Variants in CELF2 observed in about 807,000 individuals in gnomAD.
The protein encoded by CELF2 is CUG triplet repeat RNA-binding protein 2.
In CELF2, 8 loss-of-function variants were observed where a neutral mutation model predicts 62.6. The ratio of observed to expected loss-of-function variants is 0.13; its 90% CI spans 0.07 to 0.23. The LOEUF is 0.23. Ranked by LOEUF, CELF2 falls within the 10% of genes least tolerant of loss-of-function variation. The probability of loss-of-function intolerance (pLI) is 1.00; values close to 1 mark genes in which losing one functional copy is unlikely to be tolerated. For synonymous variants in CELF2, 258 were observed against 250.0 expected, an observed-to-expected ratio of 1.03 and a Z score of -0.30; for missense variants, 333 against 671.0, an observed-to-expected ratio of 0.50 and a Z score of 5.56.
At chr10:10,588,016 A>AG in the CELF2 span, among the ~76,000 whole-genome samples, 1 of 116,146 alleles carries the variant, frequency 8.6e-6, no homozygotes, top group African/African-American at 3.9e-5. Flanking sequence ...GTAAAGATGT[A>AG]ATTTTTTTTT....
chr10:11,283,263 A>T (rs576556717), intron 8 of CELF2, among the ~76,000 whole-genome samples: 1 of 152,310 alleles, frequency 6.6e-6, no homozygotes, highest in African/African-American at 2.4e-5. Context: ...TTCATTCTGA[A>T]TCTGGGCCTA....
At chr10:11,109,685 A>G (rs1595466735) in intron 1 of CELF2, among the ~76,000 whole-genome samples, 1 of 152,002 alleles carries the variant, frequency 6.6e-6, no homozygotes, top group Non-Finnish European at 1.5e-5. Context: ...CAGTCTCTCT[A>G]CCCCTCACAA....
At chr10:10,613,970 T>C in the CELF2 span, among the ~76,000 whole-genome samples, 1 of 152,156 alleles carries the variant, frequency 6.6e-6, no homozygotes, top group Admixed American at 6.5e-5. Context: ...GCCCTCAATG[T>C]CTATAATTTT....
At chr10:10,873,055 C>T (rs1004729941) in intron 1 of CELF2, among the ~76,000 whole-genome samples, 2 of 152,130 alleles carry the variant, frequency 1.3e-5, no homozygotes, top group African/African-American at 4.8e-5. Context: ...TAAATGTACA[C>T]ACATCCTTTT....
At chr10:11,298,535 G>A (rs1456932707) in intron 9 of CELF2, among the ~76,000 whole-genome samples, 1 of 152,190 alleles carries the variant, frequency 6.6e-6, no homozygotes, top group Non-Finnish European at 1.5e-5. Flanking sequence ...CCTACAGAAT[G>A]TAACAGAGGA....
At chr10:10,500,492 TGGTTTTATAAA>T in the CELF2 span, among the ~76,000 whole-genome samples, 1 of 152,190 alleles carries the variant, frequency 6.6e-6, no homozygotes, top group Non-Finnish European at 1.5e-5. Context: ...CAAGATCTGA[TGGTTTTATAAA>T]GGTTTTATAA....
intron 1 of CELF2, among the ~76,000 whole-genome samples, chr10:11,104,313 C>CA (rs2052733172): frequency 6.6e-6 from 1 of 152,172 alleles, no homozygotes; most frequent in South Asian, 2.1e-4. Context: ...ATAATAGTTT[C>CA]GACTTCCAGC....
At chr10:10,811,743 C>T (rs371325926) in intron 1 of CELF2, among the ~76,000 whole-genome samples, 3 of 152,146 alleles carry the variant, frequency 2.0e-5, no homozygotes, top group South Asian at 4.1e-4. Context: ...GGAATGGAAT[C>T]ACCCTGGGGA....
At chr10:11,096,764 T>C (rs957767777) in intron 1 of CELF2, among the ~76,000 whole-genome samples, 3 of 152,216 alleles carry the variant, frequency 2.0e-5, no homozygotes, top group Non-Finnish European at 4.4e-5. Context: ...AGTCACTCTC[T>C]CTGTGTAGCC....
intron 2 of CELF2, chr10:11,169,216 A>T (rs563164705): frequency 9.2e-5 from 14 of 152,304 alleles, no homozygotes; most frequent in African/African-American, 3.1e-4. Flanking sequence ...ATCTCCATCA[A>T]TGTCTCCAAG....
Position 11,275,819 on chromosome 10 carries a change from C to G in CELF2, c.841+699C>G, listed in dbSNP as rs534565821. Among the ~76,000 whole-genome samples, 267 of 152,300 alleles carry G rather than the reference C, an allele frequency of 1.8e-3. 3 individuals carry two copies. In the South Asian group the frequency reaches 0.019, roughly 11 times the overall value. ...AGGTCACTCCTGCCGTGCCACCTTC[C>G]GTGCCGATTTCCCTACCTAACACGG... On this transcript the variant is annotated intron_variant, in intron 8 of 12. Coordinates refer to ENST00000633077, the MANE Select transcript of CELF2 (RefSeq NM_001326342.2).
chr10:10,483,965 ATC>A, the CELF2 span, among the ~76,000 whole-genome samples: 9 of 42,562 alleles, frequency 2.1e-4, no homozygotes, highest in African/African-American at 5.3e-4. Context: ...TCTCTCTCCC[ATC>A]TCTCTCTCTG....
At chr10:10,592,507 A>C in the CELF2 span, among the ~76,000 whole-genome samples, 2 of 152,154 alleles carry the variant, frequency 1.3e-5, no homozygotes, top group African/African-American at 2.4e-5. Context: ...CAAAATGTTA[A>C]AGTCTCTGAC....
At chr10:10,541,746 G>C in the CELF2 span, among the ~76,000 whole-genome samples, 9 of 152,172 alleles carry the variant, frequency 5.9e-5, no homozygotes. Flanking sequence ...TGGTTTTGGT[G>C]GGTTTTGACC....
At chr10:11,229,006 T>C (rs2067638813) in intron 3 of CELF2, among the ~76,000 whole-genome samples, 1 of 152,098 alleles carries the variant, frequency 6.6e-6, no homozygotes, top group African/African-American at 2.4e-5. Context: ...CGGATGGAAT[T>C]ATAGATCACA....
At position 11,303,286 on chromosome 10, in the gene CELF2, A is replaced by G. The variant is rs539530628; in HGVS notation, c.977-10853A>G. Among the ~76,000 whole-genome samples the G allele has an allele frequency of 2.2e-4, 33 of 151,268 alleles. 1 individual carries two copies. The South Asian group carries it at 6.8e-3, about 31-fold the overall frequency. On this transcript the variant is annotated intron_variant, in intron 9 of 12. Transcript: ENST00000633077. ...TATCAGCTCACTCTCTTTCAACTCA[A>G]CTTTCATGTCTGGTCACCCTTCTCG...
intron 1 of CELF2, among the ~76,000 whole-genome samples, chr10:11,085,665 C>T (rs1444000037): frequency 1.3e-5 from 2 of 152,020 alleles, no homozygotes; most frequent in African/African-American, 2.4e-5. Context: ...CAAAAGCAGG[C>T]GGTCTGGTTC....
rs1352562512 is a variant in CELF2 at position 11,159,156 on chromosome 10, G to C, written c.75-6330G>C. On this transcript the variant is annotated intron_variant, in intron 1 of 12. Transcript: ENST00000633077. This position sits in a 1 kb window ranked among gnomAD's most constrained non-coding sequence, Gnocchi z 5.0. ...GCCTCATTCCATAATTTATGTGGCA[G>C]TGACTCAAAAGGTTTAGTACACATG... Among the ~76,000 whole-genome samples the C allele has an allele frequency of 6.6e-6, 1 of 152,236 alleles. No homozygotes were observed. Among genetic ancestry groups the C allele is most frequent in the Admixed American group, 6.5e-5 (1 of 15,284 alleles).
the CELF2 span, among the ~76,000 whole-genome samples, chr10:10,556,529 A>G: frequency 1.7e-4 from 26 of 152,114 alleles, no homozygotes; most frequent in Admixed American, 1.6e-3. Context: ...ATGATTTATA[A>G]TCCTTTGGGT....
Sources: gnomAD v4.1 joint callset for allele counts (sites outside exome capture counted in the v4.1 genomes callset) on GRCh38, gnomAD v4.1.1 for gene constraint, Gnocchi (gnomAD v3.1) non-coding constraint, MANE v1.5 for transcripts, NCBI Gene and HGNC (gene_info 2026-07-23, HGNC 2026-07-21) for gene names.